MSRA: variants seen among roughly 807,000 people sequenced by gnomAD.
MSRA encodes the protein mitochondrial peptide methionine sulfoxide reductase.
In MSRA, 54 loss-of-function variants were observed where a neutral mutation model predicts 31.3. The ratio of observed to expected loss-of-function variants is 1.73; its 90% CI spans 1.39 to 2.17. MSRA has a LOEUF of 2.17. Among genes scored for constraint, MSRA ranks in the 30% most tolerant of loss-of-function variants. The pLI is 0.00. For missense variants in MSRA, 507 were observed against 300.9 expected (o/e 1.69, Z -5.07); for synonymous variants, 169 against 116.5 (o/e 1.45, Z -2.90).
intron 5 of MSRA, among the ~76,000 whole-genome samples, chr8:10,401,348 A>G (rs1049608114): frequency 6.6e-6 from 1 of 152,216 alleles, no homozygotes; most frequent in Non-Finnish European, 1.5e-5. Context: ...AATCAAAACT[A>G]CAGTGAGAAA....
At position 10,054,661 on chromosome 8, in the gene MSRA, A is replaced by C; in HGVS notation, c.142+3A>C. 1 of 1,546,870 alleles carries C rather than the reference A, an allele frequency of 6.5e-7. No individual in the cohort carries two copies. Among genetic ancestry groups the C allele is most frequent in the East Asian group, 2.7e-5 (1 of 37,302 alleles). The stretch of plus-strand genomic sequence containing the variant: ...GAAGGAACAGACCCCTGTAGCGGGT[A>C]AGCACTGGCCACACGGAAGGCGCGG... On this transcript the variant is annotated splice_donor_region_variant and intron_variant, in intron 1 of 5. Coordinates refer to ENST00000317173, the MANE Select transcript of MSRA (RefSeq NM_012331.5).
Position 10,207,911 on chromosome 8 carries a change from C to T in MSRA, c.211+10C>T, listed in dbSNP as rs755580572. ...CAGATGGCTGTATTTGGTAAGATAT[C>T]AATTCTGAAAGAAAACCCAAATTGT... On this transcript the variant is annotated intron_variant, in intron 2 of 5. Coordinates refer to ENST00000317173, the MANE Select transcript of MSRA (RefSeq NM_012331.5). 1.2e-6 allele frequency: 2 copies of T among 1,605,960 alleles called. No homozygotes were observed. The highest frequency in any genetic ancestry group is 2.2e-5 in the East Asian group (1 of 44,658).
chr8:10,077,897 A>G lies in MSRA; in HGVS notation c.142+23239A>G, dbSNP rs151248738. On this transcript the variant is annotated intron_variant, in intron 1 of 5. Transcript: ENST00000317173. The stretch of plus-strand genomic sequence containing the variant: ...GTCTGTAATTCTGTACGTTGTTGCT[A>G]CAGTATTTATATATGTCAAGATGTA... 2.5e-3 allele frequency among the ~76,000 whole-genome samples: 387 copies of G among 152,196 alleles called. 2 individuals carry two copies. Among genetic ancestry groups the G allele is most frequent in the African/African-American group, 8.7e-3 (360 of 41,522 alleles).
chr8:10,063,709 G>T (rs569780404), intron 1 of MSRA, among the ~76,000 whole-genome samples: 1 of 152,202 alleles, frequency 6.6e-6, no homozygotes, highest in African/African-American at 2.4e-5. Flanking sequence ...GTGAGAAGGC[G>T]CTGTCCGTGA....
chr8:10,168,216 G>C (rs1201149032), intron 1 of MSRA, among the ~76,000 whole-genome samples: 1 of 152,196 alleles, frequency 6.6e-6, no homozygotes, highest in Non-Finnish European at 1.5e-5. Context: ...CATTAATACA[G>C]CATCAGGCAC....
chr8:10,322,773 G>T (rs1207064599), intron 5 of MSRA, among the ~76,000 whole-genome samples: 1 of 152,162 alleles, frequency 6.6e-6, no homozygotes, highest in African/African-American at 2.4e-5. Flanking sequence ...TTGCTGATAA[G>T]ATTACTTGGG....
intron 2 of MSRA, among the ~76,000 whole-genome samples, chr8:10,228,405 G>C (rs1161787553): frequency 6.6e-6 from 1 of 152,186 alleles, no homozygotes; most frequent in Non-Finnish European, 1.5e-5. Flanking sequence ...GCCCAGTACA[G>C]AAAATGCACC....
At chr8:10,244,403 G>A (rs958210835) in intron 2 of MSRA, among the ~76,000 whole-genome samples, 3 of 152,132 alleles carry the variant, frequency 2.0e-5, no homozygotes, top group South Asian at 2.1e-4. Context: ...GAGATCCTGT[G>A]GCCACTGGTA....
intron 5 of MSRA, among the ~76,000 whole-genome samples, chr8:10,398,699 A>G (rs1807255974): frequency 6.6e-6 from 1 of 152,230 alleles, no homozygotes; most frequent in Admixed American, 6.5e-5. Context: ...CTGGAAGCTG[A>G]AAGTCCAGCG....
intron 1 of MSRA, among the ~76,000 whole-genome samples, chr8:10,153,184 T>C (rs1311503872): frequency 6.6e-6 from 1 of 152,120 alleles, no homozygotes; most frequent in East Asian, 1.9e-4. Flanking sequence ...ATTACAAAAG[T>C]GGAATGAGTG....
At chr8:10,295,030 T>C (rs1001057496) in intron 3 of MSRA, among the ~76,000 whole-genome samples, 1 of 152,138 alleles carries the variant, frequency 6.6e-6, no homozygotes, top group African/African-American at 2.4e-5. Flanking sequence ...TGGCGATAGA[T>C]GAGTTTATTA....
At chr8:10,203,136 G>C (rs558869459) in intron 1 of MSRA, among the ~76,000 whole-genome samples, 26 of 152,152 alleles carry the variant, frequency 1.7e-4, no homozygotes, top group Non-Finnish European at 3.5e-4. Flanking sequence ...AAAGCCGCCA[G>C]GGACCTCATG....
At chr8:10,310,571 T>C (rs1475155322) in intron 4 of MSRA, among the ~76,000 whole-genome samples, 1 of 152,228 alleles carries the variant, frequency 6.6e-6, no homozygotes, top group Non-Finnish European at 1.5e-5. Flanking sequence ...TGAAGGTCTT[T>C]CCTGAGCTGT....
intron 1 of MSRA, among the ~76,000 whole-genome samples, chr8:10,152,278 T>C (rs1803754497): frequency 6.6e-6 from 1 of 152,234 alleles, no homozygotes; most frequent in Admixed American, 6.5e-5. Context: ...TATGTATATA[T>C]AAATAAAATT....
At chr8:10,364,994 A>G (rs1031200111) in intron 5 of MSRA, among the ~76,000 whole-genome samples, 1 of 152,086 alleles carries the variant, frequency 6.6e-6, no homozygotes, top group Non-Finnish European at 1.5e-5. Context: ...CTTATATAAC[A>G]CATTTGATAT....
At chr8:10,351,286 G>A (rs567892056) in intron 5 of MSRA, among the ~76,000 whole-genome samples, 61 of 117,624 alleles carry the variant, frequency 5.2e-4, no homozygotes, top group African/African-American at 1.8e-3. Flanking sequence ...ACGGAGTCTC[G>A]CTCTGTTGCC....
chr8:10,159,179 T>C (rs28595664), intron 1 of MSRA, among the ~76,000 whole-genome samples: 8,246 of 152,212 alleles, frequency 0.054, 729 homozygotes, highest in African/African-American at 0.19. Context: ...ATACTGTCCG[T>C]AAGAATTTGT....
chr8:10,234,471 G>A (rs1169808472), intron 2 of MSRA, among the ~76,000 whole-genome samples: 3 of 150,948 alleles, frequency 2.0e-5, no homozygotes, highest in Non-Finnish European at 4.4e-5. Flanking sequence ...TTTTCGTTTT[G>A]CCTCCAAATT....
intron 2 of MSRA, among the ~76,000 whole-genome samples, chr8:10,213,961 A>G (rs951180932): frequency 2.6e-5 from 4 of 152,056 alleles, no homozygotes; most frequent in African/African-American, 9.7e-5. Context: ...ATAAATTGAT[A>G]CCAAGCAGCA....
Sources: allele counts gnomAD v4.1 joint callset (sites outside exome capture counted in the v4.1 genomes callset), GRCh38; gene constraint gnomAD v4.1.1; transcripts MANE v1.5; gene names NCBI Gene and HGNC (gene_info 2026-07-23, HGNC 2026-07-21).